Variants in PHF21B observed in about 807,000 individuals in gnomAD.
PHF21B encodes PHD finger protein 21B, also known as PHD finger protein 4.
A neutral mutation model predicts 62.2 loss-of-function variants in PHF21B; 22 were observed. The ratio of observed to expected loss-of-function variants is 0.35; its 90% CI spans 0.25 to 0.51. PHF21B has a LOEUF of 0.51. Ranked by LOEUF, PHF21B falls within the 20% of genes least tolerant of loss-of-function variation. The pLI, the probability that PHF21B is intolerant of heterozygous loss-of-function variation, is 0.97. For synonymous variants in PHF21B, 341 were observed against 314.7 expected, an observed-to-expected ratio of 1.08 and a Z score of -0.88; for missense variants, 701 against 707.9, an observed-to-expected ratio of 0.99 and a Z score of 0.11.
At chr22:44,994,058 G>A (rs1216667968) in intron 2 of PHF21B, among the ~76,000 whole-genome samples, 1 of 152,200 alleles carries the variant, frequency 6.6e-6, no homozygotes, top group Non-Finnish European at 1.5e-5. Flanking sequence ...TGTGAGAGAA[G>A]GACAGGGAGC....
At position 44,884,545 on chromosome 22, in the gene PHF21B, TCAC is replaced by T. The variant is rs559087274; in HGVS notation, c.1377+878_1377+880del. 1.3e-3 allele frequency among the ~76,000 whole-genome samples: 167 copies of T among 127,830 alleles called. 4 individuals are homozygous for T. The highest frequency in any genetic ancestry group is 4.6e-3 in the Middle Eastern group (1 of 218). The allele number at this position is 127,830 out of a possible 152,430, so 83.9% of individuals were successfully genotyped here. A position where few individuals can be genotyped will look rare whatever the true frequency, so the allele number is the denominator to read the frequency against. ...GTGATCAGCACCATCATCACCACCATCACCACAACCATGATCGCCATTATCACC... is the reference window on the plus strand; with the variant it reads ...GTGATCAGCACCATCATCACCACCATCACAACCATGATCGCCATTATCACC... On this transcript the variant is annotated intron_variant, in intron 12 of 12. Coordinates refer to ENST00000313237, the MANE Select transcript of PHF21B (RefSeq NM_138415.5).
chr22:45,007,596 G>GGGA (rs2073344865), intron 2 of PHF21B, among the ~76,000 whole-genome samples: 1 of 142,604 alleles, frequency 7.0e-6, no homozygotes, highest in Non-Finnish European at 1.6e-5. Flanking sequence ...GAGGGAGGGA[G>GGGA]GGGCGCCGCC....
intron 2 of PHF21B, chr22:44,933,591 C>A (rs748560067): frequency 2.7e-5 from 26 of 961,118 alleles, no homozygotes; most frequent in Non-Finnish European, 3.2e-5. Context: ...GGGAAGGTCT[C>A]GGCTACATAG....
In PHF21B at chr22:45,009,733, G is replaced by C; in HGVS notation, c.-184C>G. The C allele has an allele frequency of 4.1e-6, 2 of 491,588 alleles. No individual in the cohort carries two copies. Among genetic ancestry groups the C allele is most frequent in the Non-Finnish European group, 3.5e-6 (1 of 289,078 alleles). 30.5% of individuals were successfully genotyped at this position (491,588 alleles called of 1,614,324 possible). On this transcript the variant is annotated 5_prime_UTR_variant, in exon 1 of 13. Coordinates refer to ENST00000313237, the MANE Select transcript of PHF21B (RefSeq NM_138415.5). This position sits in a 1 kb window ranked among gnomAD's most constrained non-coding sequence, Gnocchi z 5.9. The stretch of plus-strand genomic sequence containing the variant: ...TGGCGAAGGGGAAGACAGGCTTCCG[G>C]GCGCCGCGGCGCCGAGCCCTCGGCT...
chr22:44,925,511 G>A (rs1487733533), intron 2 of PHF21B, among the ~76,000 whole-genome samples: 5 of 152,118 alleles, frequency 3.3e-5, no homozygotes, highest in Non-Finnish European at 7.3e-5. Flanking sequence ...CATGTCCTCT[G>A]AGCCAACTGC....
intron 7 of PHF21B, among the ~76,000 whole-genome samples, chr22:44,892,566 G>A (rs1403262087): frequency 6.6e-6 from 1 of 152,222 alleles, no homozygotes; most frequent in Non-Finnish European, 1.5e-5. Flanking sequence ...TCACAGAGCT[G>A]GCATCTGCAA....
At chr22:44,977,331 G>A (rs1043737474) in intron 2 of PHF21B, among the ~76,000 whole-genome samples, 22 of 151,874 alleles carry the variant, frequency 1.4e-4, no homozygotes, top group African/African-American at 4.8e-4. Context: ...TTGGGAGGCC[G>A]AGGTGGGCAG....
chr22:44,902,006 C>T, intron 5 of PHF21B: 1 of 221,180 alleles, frequency 4.5e-6, no homozygotes, highest in Non-Finnish European at 9.5e-6. Context: ...AAGCCAGCAT[C>T]ACCCCTGGGA....
chr22:44,887,294 C>T (rs1024097959), intron 10 of PHF21B, among the ~76,000 whole-genome samples: 6 of 152,294 alleles, frequency 3.9e-5, no homozygotes, highest in Admixed American at 1.3e-4. Flanking sequence ...CACTCCCAAG[C>T]GTTTTCTCCC....
intron 2 of PHF21B, among the ~76,000 whole-genome samples, chr22:44,930,543 TCGGGAGG>T (rs1268565941): frequency 8.6e-6 from 1 of 116,064 alleles, no homozygotes; most frequent in Admixed American, 9.7e-5. Context: ...CACATAGGAG[TCGGGAGG>T]CGGGACAGGA....
chr22:44,982,723 G>C (rs1289995867), intron 2 of PHF21B, among the ~76,000 whole-genome samples: 1 of 152,192 alleles, frequency 6.6e-6, no homozygotes, highest in Non-Finnish European at 1.5e-5. Context: ...GGTTTACAGA[G>C]GGCATTTAAA....
intron 2 of PHF21B, among the ~76,000 whole-genome samples, chr22:44,976,447 T>C (rs1569268138): frequency 6.6e-6 from 1 of 152,228 alleles, no homozygotes; most frequent in South Asian, 2.1e-4. Flanking sequence ...TTTGTACCCA[T>C]TGACCAATCT....
In PHF21B at chr22:44,914,097, C is replaced by T. The variant is rs778576033; in HGVS notation, c.565-9G>A. The T allele has an allele frequency of 7.6e-6, 5 of 656,894 alleles. No individual in the cohort carries two copies. Among genetic ancestry groups the T allele is most frequent in the East Asian group, 6.8e-5 (2 of 29,582 alleles). The allele number at this position is 656,894 out of a possible 1,614,324, so 40.7% of individuals were successfully genotyped here. A position where few individuals can be genotyped will look rare whatever the true frequency, so the allele number is the denominator to read the frequency against. Reference sequence around the variant, plus strand: ...AGGAGGCGTGGAGGAGGCTGGAGAGCGAGGGTGAGGGGCACAGGGAGGAAG... The same window carrying T: ...AGGAGGCGTGGAGGAGGCTGGAGAGTGAGGGTGAGGGGCACAGGGAGGAAG... On this transcript the variant is annotated splice_polypyrimidine_tract_variant and intron_variant, in intron 4 of 12. Coordinates refer to ENST00000313237, the MANE Select transcript of PHF21B (RefSeq NM_138415.5).
chr22:44,934,761 G>A (rs916192994), intron 2 of PHF21B, among the ~76,000 whole-genome samples: 24 of 152,188 alleles, frequency 1.6e-4, no homozygotes, highest in African/African-American at 3.9e-4. Flanking sequence ...CTTCTGATTC[G>A]TCCAAAGTCC....
intron 2 of PHF21B, among the ~76,000 whole-genome samples, chr22:44,929,142 TAAC>T (rs1311179526): frequency 3.3e-5 from 5 of 152,244 alleles, no homozygotes; most frequent in African/African-American, 1.2e-4. Flanking sequence ...GTGGCAAAGA[TAAC>T]AAGTCAGTTC....
chr22:44,917,445 A>G (rs1406373422), intron 3 of PHF21B, among the ~76,000 whole-genome samples: 1 of 152,116 alleles, frequency 6.6e-6, no homozygotes, highest in Non-Finnish European at 1.5e-5. Context: ...CACTGACCCC[A>G]TGCATGGAAC....
chr22:44,988,519 T>A (rs2072991575), intron 2 of PHF21B, among the ~76,000 whole-genome samples: 1 of 152,084 alleles, frequency 6.6e-6, no homozygotes, highest in Non-Finnish European at 1.5e-5. Flanking sequence ...TATAACTTCA[T>A]CTTAGCTGCA....
chr22:45,008,001 C>T (rs532630600), intron 2 of PHF21B, among the ~76,000 whole-genome samples: 137 of 151,856 alleles, frequency 9.0e-4, no homozygotes, highest in Middle Eastern at 6.8e-3. Context: ...TGGAGCAGAA[C>T]TGGGGAGTCC....
chr22:44,939,071 G>A (rs1209113881), intron 2 of PHF21B, among the ~76,000 whole-genome samples: 1 of 152,240 alleles, frequency 6.6e-6, no homozygotes, highest in East Asian at 1.9e-4. Context: ...ATCTGCAGCA[G>A]CTGCACAAGC....
Sources: gnomAD v4.1 joint callset for allele counts (sites outside exome capture counted in the v4.1 genomes callset) on GRCh38, gnomAD v4.1.1 for gene constraint, Gnocchi (gnomAD v3.1) non-coding constraint, MANE v1.5 for transcripts, NCBI Gene and HGNC (gene_info 2026-07-23, HGNC 2026-07-21) for gene names.